The following ADGRL3 variants were observed in gnomAD, a reference collection of about 807,000 sequenced individuals.
ADGRL3 encodes the protein calcium-independent alpha-latrotoxin receptor 3.
A neutral mutation model predicts 153.5 loss-of-function variants in ADGRL3; 62 were observed. The observed-to-expected ratio is 0.40, with a 90% CI of 0.33 to 0.50. The LOEUF (loss-of-function observed/expected upper bound fraction) is 0.50, where lower values mean the gene tolerates loss of function less well. Among genes scored for constraint, ADGRL3 ranks in the 20% least tolerant of loss-of-function variants. The pLI is 0.47. For missense variants in ADGRL3, 1,641 were observed against 1,859.4 expected (o/e 0.88, Z 2.16); for synonymous variants, 710 against 672.5 (o/e 1.06, Z -0.86).
At chr4:61,779,311 T>TG in intron 8 of ADGRL3, among the ~76,000 whole-genome samples, 1 of 152,076 alleles carries the variant, frequency 6.6e-6, no homozygotes, top group African/African-American at 2.4e-5. Flanking sequence ...TCTGAAACTC[T>TG]GCGGGGGGGT....
chr4:61,445,629 A>G (rs1200616033), intron 2 of ADGRL3, among the ~76,000 whole-genome samples: 2 of 152,210 alleles, frequency 1.3e-5, no homozygotes, highest in Non-Finnish European at 1.5e-5. Context: ...GTATTTGTAC[A>G]TAAATCATCG....
At chr4:61,722,708 T>C (rs2096263001) in intron 6 of ADGRL3, among the ~76,000 whole-genome samples, 1 of 152,142 alleles carries the variant, frequency 6.6e-6, no homozygotes, top group Non-Finnish European at 1.5e-5. Flanking sequence ...CCTTAGAAGA[T>C]AGGTTTAAGA....
intron 6 of ADGRL3, among the ~76,000 whole-genome samples, chr4:61,724,383 C>CA (rs1248693074): frequency 6.6e-6 from 1 of 152,122 alleles, no homozygotes; most frequent in African/African-American, 2.4e-5. Context: ...CCATCAATGG[C>CA]ATGGAATGTT....
At chr4:61,678,822 G>A (rs367713218) in intron 6 of ADGRL3, among the ~76,000 whole-genome samples, 45 of 152,078 alleles carry the variant, frequency 3.0e-4, no homozygotes, top group African/African-American at 1.1e-3. Flanking sequence ...ATTATCTGGA[G>A]TATGTTTCAG....
chr4:61,424,559 A>G (rs114131240), intron 2 of ADGRL3, among the ~76,000 whole-genome samples: 13 of 152,014 alleles, frequency 8.6e-5, no homozygotes, highest in African/African-American at 2.2e-4. Context: ...AACTGCTTCA[A>G]CCTCCTGTGC....
At chr4:61,806,166 C>T (rs1232571668) in intron 8 of ADGRL3, among the ~76,000 whole-genome samples, 1 of 152,056 alleles carries the variant, frequency 6.6e-6, no homozygotes, top group Non-Finnish European at 1.5e-5. Flanking sequence ...GTGGTACTTC[C>T]AACCCTCGTG....
At chr4:61,353,993 C>T (rs1042820649) in intron 1 of ADGRL3, among the ~76,000 whole-genome samples, 4 of 152,030 alleles carry the variant, frequency 2.6e-5, no homozygotes, top group African/African-American at 9.7e-5. Flanking sequence ...GCCAGCAGTG[C>T]TTTGTATTTA....
At chr4:61,736,235 A>G (rs2096510432) in intron 8 of ADGRL3, among the ~76,000 whole-genome samples, 1 of 152,184 alleles carries the variant, frequency 6.6e-6, no homozygotes, top group South Asian at 2.1e-4. Context: ...GAATCATTGT[A>G]ATTGTGAACA....
At chr4:61,271,758 G>C (rs1212579995) in intron 1 of ADGRL3, among the ~76,000 whole-genome samples, 1 of 151,940 alleles carries the variant, frequency 6.6e-6, no homozygotes, top group Non-Finnish European at 1.5e-5. Context: ...ACTTAACTTT[G>C]GAAGAGGTGG....
intron 21 of ADGRL3, among the ~76,000 whole-genome samples, chr4:62,027,365 G>A (rs1293750857): frequency 6.6e-6 from 1 of 151,918 alleles, no homozygotes; most frequent in East Asian, 1.9e-4. Context: ...CTGTGATGAT[G>A]GACATGTCCA....
intron 1 of ADGRL3, among the ~76,000 whole-genome samples, chr4:61,267,619 G>A (rs1470242759): frequency 6.6e-6 from 1 of 151,548 alleles, no homozygotes; most frequent in Non-Finnish European, 1.5e-5. Context: ...AATAGGGATG[G>A]CTGCCCCTTT....
intron 4 of ADGRL3, among the ~76,000 whole-genome samples, chr4:61,582,306 A>G (rs1317987692): frequency 6.6e-6 from 1 of 151,980 alleles, no homozygotes; most frequent in Non-Finnish European, 1.5e-5. Context: ...TAAGCCGTGC[A>G]TGCTTTAGCT....
intron 2 of ADGRL3, among the ~76,000 whole-genome samples, chr4:61,393,606 A>AT (rs2096837834): frequency 6.6e-6 from 1 of 151,824 alleles, no homozygotes; most frequent in African/African-American, 2.4e-5. Flanking sequence ...ATAAATTATC[A>AT]TTTTTTTCAG....
chr4:61,659,567 C>T (rs2094534469), intron 5 of ADGRL3, among the ~76,000 whole-genome samples: 1 of 152,004 alleles, frequency 6.6e-6, no homozygotes, highest in Non-Finnish European at 1.5e-5. Flanking sequence ...TTAAAAATGT[C>T]ACATAATGTC....
chr4:61,459,754 G>C (rs1215215337), intron 2 of ADGRL3, among the ~76,000 whole-genome samples: 2 of 152,108 alleles, frequency 1.3e-5, no homozygotes, highest in African/African-American at 2.4e-5. Flanking sequence ...ATTGGAATGA[G>C]ATGCTATCTC....
intron 24 of ADGRL3, among the ~76,000 whole-genome samples, chr4:62,039,127 A>T (rs1390322353): frequency 1.3e-5 from 2 of 152,030 alleles, no homozygotes; most frequent in Non-Finnish European, 2.9e-5. Flanking sequence ...TTTTTATTTG[A>T]TGGATGTTCA....
At chr4:61,435,001 G>T (rs1486630284) in intron 2 of ADGRL3, among the ~76,000 whole-genome samples, 1 of 152,054 alleles carries the variant, frequency 6.6e-6, no homozygotes. Flanking sequence ...GAAGTTTTCA[G>T]ACATTAAACT....
At chr4:61,279,360 C>T (rs2093623254) in intron 1 of ADGRL3, among the ~76,000 whole-genome samples, 1 of 152,132 alleles carries the variant, frequency 6.6e-6, no homozygotes, top group African/African-American at 2.4e-5. Context: ...GCTAGGTTCT[C>T]TGAATAAGAT....
intron 1 of ADGRL3, among the ~76,000 whole-genome samples, chr4:61,270,017 T>C (rs1231588169): frequency 6.6e-6 from 1 of 151,728 alleles, no homozygotes; most frequent in Non-Finnish European, 1.5e-5. Flanking sequence ...CCAAATAGCA[T>C]GGCAAAGACA....
Sources: gnomAD v4.1 joint callset for allele counts (sites outside exome capture counted in the v4.1 genomes callset) on GRCh38, gnomAD v4.1.1 for gene constraint, MANE v1.5 for transcripts, NCBI Gene and HGNC (gene_info 2026-07-23, HGNC 2026-07-21) for gene names.